The following METTL15 variants were observed in gnomAD, a reference collection of about 807,000 sequenced individuals.
METTL15 encodes methyltransferase 15, mitochondrial 12S rRNA N4-cytidine, also known as 12S rRNA N(4)-cytidine methyltransferase METTL15.
A neutral mutation model predicts 38.3 loss-of-function variants in METTL15; 34 were observed. That is an observed-to-expected ratio of 0.89 (90% CI 0.68 to 1.18). The LOEUF (loss-of-function observed/expected upper bound fraction) is 1.18. Ranked by LOEUF, METTL15 falls within the 50% of genes most tolerant of loss-of-function variation. The probability of loss-of-function intolerance (pLI) is 0.00; values close to 1 mark genes in which losing one functional copy is unlikely to be tolerated. For synonymous variants in METTL15, 162 were observed against 170.9 expected, an observed-to-expected ratio of 0.95 and a Z score of 0.41; for missense variants, 438 against 498.4, an observed-to-expected ratio of 0.88 and a Z score of 1.15.
At chr11:28,383,624 A>T (rs1229750929) in intron 5 of METTL15, among the ~76,000 whole-genome samples, 1 of 152,084 alleles carries the variant, frequency 6.6e-6, no homozygotes, top group Admixed American at 6.6e-5. Flanking sequence ...TCTCACCAGC[A>T]TCTGTTATTT....
intron 5 of METTL15, among the ~76,000 whole-genome samples, chr11:28,398,284 A>C (rs1214847749): frequency 6.6e-6 from 1 of 152,002 alleles, no homozygotes; most frequent in East Asian, 1.9e-4. Context: ...AATAATAAAC[A>C]AAAATTGATA....
downstream of METTL15, among the ~76,000 whole-genome samples, chr11:28,531,078 G>C (rs1043841404): frequency 1.3e-5 from 2 of 151,778 alleles, no homozygotes; most frequent in Non-Finnish European, 2.9e-5. Context: ...AACTGCATTT[G>C]TACTTTTCAT....
intron 5 of METTL15, among the ~76,000 whole-genome samples, chr11:28,395,168 T>G (rs964047897): frequency 6.6e-6 from 1 of 152,098 alleles, no homozygotes; most frequent in Admixed American, 6.6e-5. Context: ...GGGACATGAT[T>G]CTGCTTTCAG....
In METTL15 at chr11:28,404,690, A is replaced by C. The variant is rs1452388040; in HGVS notation, c.*359-19609A>C. 3.3e-5 allele frequency among the ~76,000 whole-genome samples: 5 copies of C among 152,206 alleles called. No individual in the cohort carries two copies. In the East Asian group the frequency reaches 9.7e-4, roughly 29 times the overall value. On this transcript the variant is annotated intron_variant and NMD_transcript_variant, in intron 5 of 7. Coordinates refer to the METTL15 transcript ENST00000532947. ...TTTGAAGCTTAGTATCCCCAGGTTA[A>C]ACATCTATATTGTGGAAGACAAAAT...
intron 5 of METTL15, among the ~76,000 whole-genome samples, chr11:28,420,620 G>A (rs1175087371): frequency 6.6e-6 from 1 of 152,064 alleles, no homozygotes; most frequent in East Asian, 1.9e-4. Flanking sequence ...TGAATAACTG[G>A]TAGGTCAATG....
chr11:28,218,232 C>T (rs1312188497), intron 4 of METTL15, among the ~76,000 whole-genome samples: 2 of 151,974 alleles, frequency 1.3e-5, no homozygotes, highest in Non-Finnish European at 1.5e-5. Flanking sequence ...CTTTTATTTC[C>T]TTGAGCCGTG....
intron 4 of METTL15, among the ~76,000 whole-genome samples, chr11:28,223,927 A>C (rs1317188862): frequency 3.3e-5 from 5 of 152,210 alleles, no homozygotes; most frequent in African/African-American, 1.2e-4. Flanking sequence ...TTATCTTCTG[A>C]ATTTTGGAAT....
At chr11:28,183,614 G>A (rs1036351981) in intron 3 of METTL15, among the ~76,000 whole-genome samples, 2 of 152,062 alleles carry the variant, frequency 1.3e-5, no homozygotes, top group Admixed American at 1.3e-4. Context: ...AAGCCGACTT[G>A]ATCGTGGTGG....
intron 3 of METTL15, among the ~76,000 whole-genome samples, chr11:28,162,735 A>G (rs1850511266): frequency 6.6e-6 from 1 of 152,128 alleles, no homozygotes; most frequent in Non-Finnish European, 1.5e-5. Context: ...ATTTTGTAGT[A>G]GACAAATAGG....
At chr11:28,279,792 C>T (rs11030267) in intron 4 of METTL15, among the ~76,000 whole-genome samples, 70,073 of 151,634 alleles carry the variant, frequency 0.46, 17,778 homozygotes, top group Admixed American at 0.56. Context: ...CCCAGCTACT[C>T]GGAGGCTGAG....
At chr11:28,469,535 A>C (rs1198629222) in intron 6 of METTL15, among the ~76,000 whole-genome samples, 1 of 152,156 alleles carries the variant, frequency 6.6e-6, no homozygotes, top group Admixed American at 6.6e-5. Flanking sequence ...TGCTGACTCC[A>C]CCACTACTGG....
chr11:28,236,945 C>G (rs1854014092), intron 4 of METTL15, among the ~76,000 whole-genome samples: 1 of 152,130 alleles, frequency 6.6e-6, no homozygotes, highest in Admixed American at 6.5e-5. Flanking sequence ...TCTATTCTAG[C>G]TTGTAGAGTT....
At chr11:28,364,712 A>G (rs1850170275) in intron 5 of METTL15, among the ~76,000 whole-genome samples, 2 of 152,240 alleles carry the variant, frequency 1.3e-5, no homozygotes, top group South Asian at 2.1e-4. Context: ...TTCCAGTACT[A>G]TGTTGAATAG....
chr11:28,501,790 G>A (rs1048460523), intron 6 of METTL15, among the ~76,000 whole-genome samples: 1 of 152,052 alleles, frequency 6.6e-6, no homozygotes, highest in African/African-American at 2.4e-5. Flanking sequence ...AACCCTGAGG[G>A]TACCATGTGC....
intron 6 of METTL15, among the ~76,000 whole-genome samples, chr11:28,312,130 A>G (rs964645093): frequency 6.6e-6 from 1 of 152,232 alleles, no homozygotes; most frequent in African/African-American, 2.4e-5. Flanking sequence ...TTTCAGGTAC[A>G]CCAGTAGCTC....
intron 6 of METTL15, chr11:28,327,880 A>AT: frequency 2.4e-6 from 1 of 421,800 alleles, no homozygotes; most frequent in Non-Finnish European, 4.2e-6. Context: ...CTGCCTTTCT[A>AT]TTTTATGAAT....
intron 5 of METTL15, among the ~76,000 whole-genome samples, chr11:28,422,124 T>C (rs1199262178): frequency 6.6e-6 from 1 of 151,860 alleles, no homozygotes; most frequent in Admixed American, 6.6e-5. Context: ...TAGGAATTCA[T>C]TTAACAAAAG....
chr11:28,243,030 A>G (rs1854364880), intron 4 of METTL15, among the ~76,000 whole-genome samples: 1 of 152,018 alleles, frequency 6.6e-6, no homozygotes, highest in Non-Finnish European at 1.5e-5. Context: ...CTCCTTAATA[A>G]TGAGAGACCT....
chr11:28,287,541 C>T (rs1026878143), intron 4 of METTL15: 16 of 324,028 alleles, frequency 4.9e-5, no homozygotes, highest in Admixed American at 2.2e-4. Context: ...CTTCGGAGCT[C>T]GGCCTAATAA....
Sources: allele counts gnomAD v4.1 joint callset (sites outside exome capture counted in the v4.1 genomes callset), GRCh38; gene constraint gnomAD v4.1.1; transcripts MANE v1.5; gene names NCBI Gene and HGNC (gene_info 2026-07-23, HGNC 2026-07-21).